COL28A1: variants seen among roughly 807,000 people sequenced by gnomAD.
The protein encoded by COL28A1 is collagen alpha-1(XXVIII) chain.
A neutral mutation model predicts 150.2 loss-of-function variants in COL28A1; 161 were observed. The observed-to-expected ratio is 1.07, with a 90% CI of 0.94 to 1.22. The LOEUF is 1.22. Ranked by LOEUF, COL28A1 falls within the 50% of genes most tolerant of loss-of-function variation. COL28A1 has a pLI of 0.00. For missense variants in COL28A1, 1,617 were observed against 1,388.3 expected (o/e 1.16, Z -2.62); for synonymous variants, 552 against 469.7 (o/e 1.18, Z -2.26).
intron 27 of COL28A1, among the ~76,000 whole-genome samples, chr7:7,402,651 ATAAAG>A (rs1783273937): frequency 6.6e-6 from 1 of 152,208 alleles, no homozygotes; most frequent in Non-Finnish European, 1.5e-5. Context: ...CTTATCTTTT[ATAAAG>A]TAAAGGGACA....
intron 18 of COL28A1, among the ~76,000 whole-genome samples, chr7:7,451,544 G>A (rs1211898010): frequency 5.3e-5 from 8 of 152,130 alleles, no homozygotes; most frequent in Non-Finnish European, 1.0e-4. Flanking sequence ...ATTTTTTAAA[G>A]TAAGTTTAAG....
the COL28A1 span, among the ~76,000 whole-genome samples, chr7:7,540,931 C>T: frequency 6.6e-6 from 1 of 152,140 alleles, no homozygotes; most frequent in Non-Finnish European, 1.5e-5. Context: ...AAAACATAGC[C>T]AGTAATATAG....
intron 25 of COL28A1, among the ~76,000 whole-genome samples, chr7:7,427,690 T>G (rs2128311821): frequency 6.6e-6 from 1 of 152,340 alleles, no homozygotes. Context: ...TTTTGTCAAA[T>G]AAAGCATGTA....
At chr7:7,430,941 G>A (rs1784928292) in intron 25 of COL28A1, among the ~76,000 whole-genome samples, 1 of 152,166 alleles carries the variant, frequency 6.6e-6, no homozygotes, top group African/African-American at 2.4e-5. Flanking sequence ...AGTGTACACA[G>A]CACTTCCAGA....
At chr7:7,344,367 G>C in the COL28A1 span, among the ~76,000 whole-genome samples, 124 of 151,910 alleles carry the variant, frequency 8.2e-4, no homozygotes, top group African/African-American at 2.8e-3. Context: ...GTGTGCCAGG[G>C]TAATCCTCTA....
intron 32 of COL28A1, 32 bp from the exon 33 acceptor site, chr7:7,370,914 T>C (rs1194617612): frequency 2.1e-6 from 3 of 1,457,744 alleles, no homozygotes; most frequent in Non-Finnish European, 2.9e-6. Flanking sequence ...AGAGAGATAG[T>C]AGAAGCAATG....
intron 34 of COL28A1, among the ~76,000 whole-genome samples, chr7:7,360,147 G>T (rs943684110): frequency 6.6e-6 from 1 of 152,090 alleles, no homozygotes; most frequent in Non-Finnish European, 1.5e-5. Flanking sequence ...TAATAAATAA[G>T]AACTTTGAAA....
downstream of COL28A1, among the ~76,000 whole-genome samples, chr7:7,355,149 A>G (rs577276282): frequency 1.5e-4 from 23 of 152,332 alleles, 1 homozygote; most frequent in South Asian, 4.8e-3. Context: ...AGCAACACAA[A>G]TAATTAGCAA....
chr7:7,489,423 G>A lies in COL28A1; in HGVS notation c.1130C>T (p.Pro377Leu). The stretch of plus-strand genomic sequence containing the variant: ...AGGCTCACCAACTCCAATGGGTCCT[G>A]GAGCTCCCGGTCTTCCTTCTTGGCC... ...ERGQEGRPGAPGPIGVGEPGQ... is the reference protein window; with the variant it reads ...ERGQEGRPGALGPIGVGEPGQ... Residue 377 changes from proline to leucine, a missense_variant, in exon 13 of 35, where the codon CCA becomes CTA. Physicochemically the swap from Pro to Leu is moderately conservative, Grantham distance 98. Coordinates refer to ENST00000399429, the MANE Select transcript of COL28A1 (RefSeq NM_001037763.3). 2 of 1,464,614 alleles carry A rather than the reference G, an allele frequency of 1.4e-6. No homozygotes were observed. Among genetic ancestry groups the A allele is most frequent in the Non-Finnish European group, 1.9e-6 (2 of 1,043,498 alleles). 90.7% of individuals were successfully genotyped at this position (1,464,614 alleles called of 1,614,324 possible).
intron 25 of COL28A1, among the ~76,000 whole-genome samples, chr7:7,425,445 T>C (rs2128310861): frequency 6.6e-6 from 1 of 152,324 alleles, no homozygotes; most frequent in East Asian, 1.9e-4. Context: ...GATTATAAGA[T>C]TCATCCTGTA....
intron 27 of COL28A1, among the ~76,000 whole-genome samples, chr7:7,398,023 TTTAGTA>T (rs1782947798): frequency 6.6e-6 from 1 of 152,218 alleles, no homozygotes; most frequent in East Asian, 1.9e-4. Context: ...TGACCAATCT[TTTAGTA>T]AAAGTGTTTA....
chr7:7,388,481 G>A (rs1782335458), intron 27 of COL28A1, among the ~76,000 whole-genome samples: 1 of 152,136 alleles, frequency 6.6e-6, no homozygotes, highest in Admixed American at 6.6e-5. Flanking sequence ...GTGGGTGCAT[G>A]TGTCTTTATA....
At chr7:7,464,254 C>G (rs780402532) in intron 15 of COL28A1, among the ~76,000 whole-genome samples, 1 of 152,106 alleles carries the variant, frequency 6.6e-6, no homozygotes, top group Non-Finnish European at 1.5e-5. Context: ...GACAGGTCAT[C>G]GAGACAGAAC....
the COL28A1 span, among the ~76,000 whole-genome samples, chr7:7,348,126 G>T: frequency 6.6e-6 from 1 of 152,164 alleles, no homozygotes; most frequent in Non-Finnish European, 1.5e-5. Flanking sequence ...TAGAAAGGGG[G>T]AGGATGATAA....
At chr7:7,462,311 A>G (rs2128339190) in intron 15 of COL28A1, among the ~76,000 whole-genome samples, 1 of 152,324 alleles carries the variant, frequency 6.6e-6, no homozygotes, top group South Asian at 2.1e-4. Flanking sequence ...TAATATGACG[A>G]AACAAGGTTG....
At chr7:7,411,767 T>C (rs1294603) in intron 27 of COL28A1, among the ~76,000 whole-genome samples, 22,030 of 152,124 alleles carry the variant, frequency 0.14, 1,739 homozygotes, top group Middle Eastern at 0.22. Flanking sequence ...CTGATGCTGT[T>C]TGAAATAAGA....
rs865986069 is a variant in COL28A1, at chr7:7,436,376, G to T, written c.1860+19C>A. On this transcript the variant is annotated intron_variant, in intron 23 of 34. Transcript: ENST00000399429. ...TATTTCAGATACAGAAAAACAAAAA[G>T]AACATGAATAAAGCATACCTTTGGT... 2.6e-6 allele frequency: 3 copies of T among 1,148,276 alleles called. No homozygotes were observed. Among genetic ancestry groups the T allele is most frequent in the Middle Eastern group, 3.8e-4 (2 of 5,208 alleles). The allele number at this position is 1,148,276 out of a possible 1,614,324, so 71.1% of individuals were successfully genotyped here.
At chr7:7,423,116 G>A (rs1031353786) in intron 25 of COL28A1, among the ~76,000 whole-genome samples, 2 of 152,180 alleles carry the variant, frequency 1.3e-5, no homozygotes, top group Non-Finnish European at 2.9e-5. Context: ...TAATAGTATT[G>A]TAGTCAAGTT....
chr7:7,473,087 T>C (rs574512228), intron 15 of COL28A1, among the ~76,000 whole-genome samples: 64 of 152,278 alleles, frequency 4.2e-4, no homozygotes, highest in African/African-American at 1.3e-3. Context: ...GAAGATAACA[T>C]TGAAAAAACT....
Sources: allele counts gnomAD v4.1 joint callset (sites outside exome capture counted in the v4.1 genomes callset), GRCh38; gene constraint gnomAD v4.1.1; transcripts MANE v1.5; gene names NCBI Gene and HGNC (gene_info 2026-07-23, HGNC 2026-07-21).